KANSL1L: variants seen among roughly 807,000 people sequenced by gnomAD.
KANSL1L encodes the protein KAT8 regulatory NSL complex subunit 1-like protein.
KANSL1L carries 25 observed loss-of-function variants against 108.6 expected under a neutral mutation model. That is an observed-to-expected ratio of 0.23 (90% confidence interval 0.17 to 0.32). The LOEUF (loss-of-function observed/expected upper bound fraction) is 0.32, where lower values mean the gene tolerates loss of function less well. Ranked by LOEUF, KANSL1L falls within the 10% of genes least tolerant of loss-of-function variation. KANSL1L has a pLI of 1.00. For missense variants in KANSL1L, 1,137 were observed against 1,125.7 expected, an observed-to-expected ratio of 1.01 and a Z score of -0.14; for synonymous variants, 405 against 395.1, an observed-to-expected ratio of 1.03 and a Z score of -0.30.
At chr2:210,023,492 C>T (rs910640175) in intron 14 of KANSL1L, among the ~76,000 whole-genome samples, 3 of 152,124 alleles carry the variant, frequency 2.0e-5, no homozygotes, top group African/African-American at 7.2e-5. Flanking sequence ...TCTACAGTAT[C>T]TTCATTTTCA....
intron 1 of KANSL1L, among the ~76,000 whole-genome samples, chr2:210,160,073 A>G (rs994258735): frequency 6.6e-6 from 1 of 152,176 alleles, no homozygotes; most frequent in African/African-American, 2.4e-5. Flanking sequence ...CACCATATCA[A>G]TAGACTAAAG....
Position 210,022,480 on chromosome 2 carries a change from T to G in KANSL1L, c.*469A>C, listed in dbSNP as rs572695713. On this transcript the variant is annotated 3_prime_UTR_variant, in exon 15 of 15. Coordinates refer to ENST00000281772, the MANE Select transcript of KANSL1L (RefSeq NM_152519.4). ...CAGTGTTTTAAAAACTACATAGGGG[T>G]GTGTGTGTGTGTGTATGTTTATTTT... 7.8e-4 allele frequency: 121 copies of G among 154,742 alleles called. No homozygotes were observed. Among genetic ancestry groups the G allele is most frequent in the African/African-American group, 2.1e-3 (87 of 41,254 alleles). The allele number at this position is 154,742 out of a possible 1,614,324, so 9.6% of individuals were successfully genotyped here. A position where few individuals can be genotyped will look rare whatever the true frequency, so the allele number is the denominator to read the frequency against.
rs541070371 is a variant in KANSL1L, at chr2:210,044,193, A to G, written c.1756-89T>C. 2 of 900,768 alleles carry G rather than the reference A, an allele frequency of 2.2e-6. No individual in the cohort carries two copies. Among genetic ancestry groups the G allele is most frequent in the African/African-American group, 1.7e-5 (1 of 57,768 alleles). 55.8% of individuals were successfully genotyped at this position (900,768 alleles called of 1,614,324 possible). A position where few individuals can be genotyped will look rare whatever the true frequency, so the allele number is the denominator to read the frequency against. ...TTTATTTAGGTTATCTTTAAATAAA[A>G]TTTTCCAGTTCTACAAAAAGTTTTA... On this transcript the variant is annotated intron_variant, in intron 6 of 14. Transcript: ENST00000281772. The surrounding 1 kb of genome is among the most constrained non-coding windows in gnomAD (Gnocchi z 4.2).
At chr2:210,036,676 T>G (rs983823487) in intron 8 of KANSL1L, among the ~76,000 whole-genome samples, 2 of 152,234 alleles carry the variant, frequency 1.3e-5, no homozygotes, top group Non-Finnish European at 2.9e-5. Flanking sequence ...GACCAGCTAT[T>G]TAAGACAGAT....
chr2:210,171,837 T>A (rs373119710), upstream of KANSL1L: 1 of 152,090 alleles, frequency 6.6e-6, no homozygotes, highest in Non-Finnish European at 1.5e-5. Context: ...CAGGCGAGTT[T>A]TAAGAGATTT....
At chr2:210,087,451 A>G (rs1471794228) in intron 5 of KANSL1L, among the ~76,000 whole-genome samples, 1 of 152,208 alleles carries the variant, frequency 6.6e-6, no homozygotes, top group African/African-American at 2.4e-5. Flanking sequence ...TAGGAAGAGA[A>G]GCAGAACTGC....
In KANSL1L at chr2:210,084,114, T is replaced by C. The variant is rs569733633; in HGVS notation, c.1551-8358A>G. ...ACTGTAAAATGACATTCTTTAAAAATAAGATGTAGTATCTAAAAAAATTAA... is the reference window on the plus strand; with the variant it reads ...ACTGTAAAATGACATTCTTTAAAAACAAGATGTAGTATCTAAAAAAATTAA... On this transcript the variant is annotated intron_variant, in intron 5 of 14. Coordinates refer to ENST00000281772, the MANE Select transcript of KANSL1L (RefSeq NM_152519.4). 4.6e-5 allele frequency among the ~76,000 whole-genome samples: 7 copies of C among 152,108 alleles called. No individual in the cohort carries two copies. In the South Asian group the frequency reaches 1.5e-3, roughly 32 times the overall value.
Position 210,022,997 on chromosome 2 carries a change from T to C in KANSL1L, c.2916A>G (p.Glu972=). The C allele has an allele frequency of 6.2e-7, 1 of 1,614,022 alleles. No homozygotes were observed. Among genetic ancestry groups the C allele is most frequent in the Non-Finnish European group, 8.5e-7 (1 of 1,179,896 alleles). ...HPKKQSDGME[E]YKTFGLGLTN... is the part of the protein sequence containing the mutation. ...TAAGTCCTAGACCAAAGGTTTTGTATTCTTCCATTCCATCTGACTGCTTTT... is the reference window on the plus strand; with the variant it reads ...TAAGTCCTAGACCAAAGGTTTTGTACTCTTCCATTCCATCTGACTGCTTTT... The change falls in exon 15 of 15, where the codon GAA becomes GAG. Residue 972 remains glutamate, a synonymous_variant. Coordinates refer to ENST00000281772, the MANE Select transcript of KANSL1L (RefSeq NM_152519.4).
intron 1 of KANSL1L, among the ~76,000 whole-genome samples, chr2:210,158,542 CT>C (rs747701468): frequency 5.9e-5 from 9 of 152,116 alleles, no homozygotes; most frequent in Non-Finnish European, 1.3e-4. Flanking sequence ...ATTTAAGCCA[CT>C]AAATTTGGGG....
At chr2:210,146,656 C>A (rs922861973) in intron 2 of KANSL1L, among the ~76,000 whole-genome samples, 6 of 152,028 alleles carry the variant, frequency 3.9e-5, no homozygotes, top group Non-Finnish European at 7.4e-5. Context: ...CAATATGGTC[C>A]AAGAGGATGA....
chr2:210,126,627 C>T (rs891117755), intron 3 of KANSL1L, among the ~76,000 whole-genome samples: 1 of 152,022 alleles, frequency 6.6e-6, no homozygotes, highest in Admixed American at 6.6e-5. Context: ...ACTAACCTGG[C>T]CAACATGGCA....
chr2:210,050,323 T>C (rs1209095121), intron 6 of KANSL1L, among the ~76,000 whole-genome samples: 1 of 152,056 alleles, frequency 6.6e-6, no homozygotes, highest in East Asian at 1.9e-4. Flanking sequence ...CCTATCAAAA[T>C]TACATCAAGT....
At chr2:210,118,237 G>C (rs534868682) in intron 3 of KANSL1L, among the ~76,000 whole-genome samples, 1 of 150,836 alleles carries the variant, frequency 6.6e-6, no homozygotes, top group South Asian at 2.1e-4. Context: ...GGGAGGCCGA[G>C]GCGGGTGGAT....
chr2:210,082,776 A>C (rs1023732593), intron 5 of KANSL1L, among the ~76,000 whole-genome samples: 1 of 152,190 alleles, frequency 6.6e-6, no homozygotes, highest in Non-Finnish European at 1.5e-5. Flanking sequence ...CACCATTCTC[A>C]AATTAAACTA....
rs1188192107 is a variant in KANSL1L, at chr2:210,022,111, T to TGAG, written c.*835_*837dup. On this transcript the variant is annotated 3_prime_UTR_variant, in exon 15 of 15. Coordinates refer to ENST00000281772, the MANE Select transcript of KANSL1L (RefSeq NM_152519.4). ...ACACATTAATTGGTAAAACTCAAAT[T>TGAG]GAGTTTTCAAAGATGTGATAGTATT... is the stretch of plus-strand genomic sequence containing the variant. 1 of 151,828 alleles carries TGAG rather than the reference T, an allele frequency of 6.6e-6. No homozygotes were observed. The highest frequency in any genetic ancestry group is 6.6e-5 in the Admixed American group (1 of 15,226). 9.4% of individuals were successfully genotyped at this position (151,828 alleles called of 1,614,324 possible). A position where few individuals can be genotyped will look rare whatever the true frequency, so the allele number is the denominator to read the frequency against.
chr2:210,033,208 G>A (rs150219411), intron 8 of KANSL1L, among the ~76,000 whole-genome samples: 1 of 152,148 alleles, frequency 6.6e-6, no homozygotes, highest in South Asian at 2.1e-4. Context: ...AGATTTCAAC[G>A]ATGCACTTGC....
At position 210,044,589 on chromosome 2, in the gene KANSL1L, GT is replaced by G. The variant is rs929122376; in HGVS notation, c.1756-486del. Among the ~76,000 whole-genome samples the G allele has an allele frequency of 9.5e-5, 14 of 148,138 alleles. No individual in the cohort carries two copies. Among genetic ancestry groups the G allele is most frequent in the East Asian group, 4.0e-4 (2 of 5,044 alleles). On this transcript the variant is annotated intron_variant, in intron 6 of 14. Transcript: ENST00000281772. The surrounding 1 kb of genome is among the most constrained non-coding windows in gnomAD (Gnocchi z 4.2). The stretch of plus-strand genomic sequence containing the variant: ...AAGAATGATATGGATTGCAGGGTTT[GT>G]TTTTTTTTGGGGGGGGTATGGTTCT...
intron 8 of KANSL1L, among the ~76,000 whole-genome samples, chr2:210,031,823 A>AGAT (rs990475640): frequency 7.2e-5 from 11 of 152,222 alleles, no homozygotes; most frequent in African/African-American, 2.7e-4. Context: ...GGATTGGCTC[A>AGAT]GATATATAAA....
chr2:210,077,542 G>C (rs886157802), intron 5 of KANSL1L, among the ~76,000 whole-genome samples: 3 of 152,068 alleles, frequency 2.0e-5, no homozygotes, highest in Non-Finnish European at 4.4e-5. Context: ...GGTTTCAGTA[G>C]GTAGCTGGCA....
Sources: allele counts gnomAD v4.1 joint callset (sites outside exome capture counted in the v4.1 genomes callset), GRCh38; gene constraint gnomAD v4.1.1; non-coding constraint Gnocchi (gnomAD v3.1); transcripts MANE v1.5; gene names NCBI Gene and HGNC (gene_info 2026-07-23, HGNC 2026-07-21).